ZMYND8: variants seen among roughly 807,000 people sequenced by gnomAD.
ZMYND8 encodes the protein zinc finger MYND-type containing 8.
ZMYND8 carries 37 observed loss-of-function variants against 140.8 expected under a neutral mutation model. That is an observed-to-expected ratio of 0.26 (90% CI 0.20 to 0.35). The LOEUF is 0.35. Ranked by LOEUF, ZMYND8 falls within the 10% of genes least tolerant of loss-of-function variation. The pLI is 1.00. For synonymous variants in ZMYND8, 592 were observed against 597.1 expected (o/e 0.99, Z 0.12); for missense variants, 1,068 against 1,570.0 (o/e 0.68, Z 5.40).
intron 2 of ZMYND8, among the ~76,000 whole-genome samples, chr20:47,317,476 A>G (rs560020494): frequency 5.3e-5 from 8 of 149,764 alleles, no homozygotes; most frequent in African/African-American, 2.0e-4. Context: ...ATGACACACC[A>G]TTACAGGGAA....
chr20:47,255,001 G>A (rs1419786693), intron 12 of ZMYND8, among the ~76,000 whole-genome samples: 5 of 152,054 alleles, frequency 3.3e-5, no homozygotes, highest in African/African-American at 9.7e-5. Flanking sequence ...AAAATTAGCC[G>A]GACGTAGTGG....
intron 10 of ZMYND8, among the ~76,000 whole-genome samples, chr20:47,279,702 C>T (rs1380542570): frequency 6.7e-6 from 1 of 149,934 alleles, no homozygotes; most frequent in Non-Finnish European, 1.5e-5. Context: ...GCAGCTTCTA[C>T]AAAAAAGCAC....
chr20:47,233,317 C>T (rs1036168831), intron 16 of ZMYND8, among the ~76,000 whole-genome samples: 3 of 151,202 alleles, frequency 2.0e-5, no homozygotes, highest in Non-Finnish European at 4.4e-5. Context: ...TCAAGTAATC[C>T]TCCCATCTCA....
intron 14 of ZMYND8, 34 bp from the exon 15 acceptor site, chr20:47,239,172 C>T (rs747189881): frequency 2.7e-6 from 4 of 1,484,432 alleles, no homozygotes; most frequent in East Asian, 2.3e-5. Context: ...CAAACAAAAA[C>T]CGGATTTCAC....
chr20:47,333,292 G>GCC (rs2081100959), intron 2 of ZMYND8, among the ~76,000 whole-genome samples: 3 of 151,778 alleles, frequency 2.0e-5, no homozygotes, highest in African/African-American at 7.3e-5. Flanking sequence ...ATCCCTTGAG[G>GCC]ACACCATTGC....
intron 10 of ZMYND8, among the ~76,000 whole-genome samples, chr20:47,277,106 T>C (rs148969330): frequency 1.0e-3 from 157 of 152,330 alleles, no homozygotes; most frequent in South Asian, 1.7e-3. Context: ...AATCAGCCAC[T>C]GCATCTGACA....
chr20:47,288,765 G>A (rs1324347617), intron 7 of ZMYND8, among the ~76,000 whole-genome samples: 3 of 152,152 alleles, frequency 2.0e-5, no homozygotes, highest in Non-Finnish European at 4.4e-5. Context: ...AGTTAGTAAT[G>A]CAATATGGTG....
chr20:47,310,332 A>C lies in ZMYND8; in HGVS notation c.86-128T>G, dbSNP rs574844162. On this transcript the variant is annotated intron_variant, in intron 2 of 22. Transcript: ENST00000471951. Reference sequence around the variant, plus strand: ...GTCCCCCAACTCCCGAAGCCACTTCAGTGTTCCTCCTCCCAGAATATACGT... The same window carrying C: ...GTCCCCCAACTCCCGAAGCCACTTCCGTGTTCCTCCTCCCAGAATATACGT... 9.2e-6 allele frequency: 10 copies of C among 1,089,104 alleles called. No individual in the cohort carries two copies. The East Asian group carries it at 2.5e-4, about 27-fold the overall frequency. The allele number at this position is 1,089,104 out of a possible 1,614,324, so 67.5% of individuals were successfully genotyped here.
chr20:47,253,537 A>C (rs1382963905), intron 12 of ZMYND8, among the ~76,000 whole-genome samples: 3 of 20,790 alleles, frequency 1.4e-4, no homozygotes, highest in African/African-American at 7.8e-4. Context: ...ACTCCATCTC[A>C]AAAAAAAAAA....
chr20:47,241,886 C>T (rs1025776579), intron 14 of ZMYND8, among the ~76,000 whole-genome samples: 2 of 149,384 alleles, frequency 1.3e-5, no homozygotes, highest in African/African-American at 5.0e-5. Flanking sequence ...GGCGCGATCT[C>T]GGCTCACTGC....
At chr20:47,346,765 C>A (rs1250201677) in intron 2 of ZMYND8, among the ~76,000 whole-genome samples, 1 of 152,182 alleles carries the variant, frequency 6.6e-6, no homozygotes, top group Non-Finnish European at 1.5e-5. Flanking sequence ...TGCCACCATG[C>A]CCGACTAATT....
At chr20:47,325,643 A>AG in intron 2 of ZMYND8, among the ~76,000 whole-genome samples, 1 of 152,226 alleles carries the variant, frequency 6.6e-6, no homozygotes, top group East Asian at 1.9e-4. Flanking sequence ...CCCCAAAAGC[A>AG]GGGGAGTAAG....
At chr20:47,310,313 C>A in intron 2 of ZMYND8, 109 bp from the exon 3 acceptor site, 1 of 1,339,566 alleles carries the variant, frequency 7.5e-7, no homozygotes, top group Non-Finnish European at 1.0e-6. Flanking sequence ...TTCTGTCCCC[C>A]AACTCCCGAA....
intron 21 of ZMYND8, among the ~76,000 whole-genome samples, chr20:47,215,833 T>C (rs2036011952): frequency 6.6e-6 from 1 of 152,246 alleles, no homozygotes. Flanking sequence ...CAGCGACACG[T>C]GGCTAGTGGC....
At chr20:47,349,126 A>T (rs759616674) in intron 1 of ZMYND8, 3 of 152,242 alleles carry the variant, frequency 2.0e-5, no homozygotes, top group Non-Finnish European at 2.9e-5. Context: ...CATGTCTCGA[A>T]CCCTAGTATA....
At position 47,310,786 on chromosome 20, in the gene ZMYND8, G is replaced by GAAA. The variant is rs1169707543; in HGVS notation, c.86-585_86-583dup. On this transcript the variant is annotated intron_variant, in intron 2 of 22. Transcript: ENST00000471951. ...GGGGGACAGGGCAAGCCTCCGACGT[G>GAAA]AAAAAAAAAAAAAAAAAAAAACAGA... Among the ~76,000 whole-genome samples the GAAA allele has an allele frequency of 6.1e-3, 471 of 76,788 alleles. 11 individuals carry two copies. Among genetic ancestry groups the GAAA allele is most frequent in the African/African-American group, 0.017 (369 of 21,454 alleles). 50.4% of individuals were successfully genotyped at this position (76,788 alleles called of 152,430 possible).
rs948396189 is a variant in ZMYND8, at chr20:47,298,903, G to A, written c.279C>T (p.Leu93=). 2 of 1,614,186 alleles carry A rather than the reference G, an allele frequency of 1.2e-6. No homozygotes were observed. The highest frequency in any genetic ancestry group is 1.7e-6 in the Non-Finnish European group (2 of 1,180,040). ...GTACAACATCAACAGGGTCTGTGGT[G>A]AGTGGCTGCTTCATATAGTAAAACG... ...HGPFYYMKQP[L]TTDPVDVVPQ... The change falls in exon 4 of 23, where the codon CTC becomes CTT. Residue 93 remains leucine, a synonymous_variant. Coordinates refer to ENST00000471951, the MANE Select transcript of ZMYND8 (RefSeq NM_001281775.3). This position sits in a 1 kb window ranked among gnomAD's most constrained non-coding sequence, Gnocchi z 5.0.
intron 15 of ZMYND8, chr20:47,238,004 T>A (rs1034723047): frequency 6.6e-6 from 1 of 152,220 alleles, no homozygotes. Context: ...GTTACTAAGG[T>A]AACCTTCGCT....
intron 1 of ZMYND8, among the ~76,000 whole-genome samples, chr20:47,349,481 G>A (rs2082597214): frequency 6.6e-6 from 1 of 152,194 alleles, no homozygotes; most frequent in Non-Finnish European, 1.5e-5. Flanking sequence ...GGTTATTTCA[G>A]CACTAATGCT....
Sources: gnomAD v4.1 joint callset for allele counts (sites outside exome capture counted in the v4.1 genomes callset) on GRCh38, gnomAD v4.1.1 for gene constraint, Gnocchi (gnomAD v3.1) non-coding constraint, MANE v1.5 for transcripts, NCBI Gene and HGNC (gene_info 2026-07-23, HGNC 2026-07-21) for gene names.